Variants in NR3C2 observed in about 807,000 individuals in gnomAD.
NR3C2 encodes mineralocorticoid receptor.
NR3C2 carries 15 observed loss-of-function variants against 86.4 expected under a neutral mutation model. That is an observed-to-expected ratio of 0.17 (90% CI 0.12 to 0.27). The LOEUF (loss-of-function observed/expected upper bound fraction) is 0.27. NR3C2 is among the 10% of genes least tolerant of loss of function. The pLI is 1.00. For missense variants in NR3C2, 960 were observed against 1,195.6 expected (o/e 0.80, Z 2.91); for synonymous variants, 458 against 450.5 (o/e 1.02, Z -0.21).
intron 3 of NR3C2, among the ~76,000 whole-genome samples, chr4:148,234,779 A>G (rs536166392): frequency 6.6e-6 from 1 of 151,992 alleles, no homozygotes; most frequent in South Asian, 2.1e-4. Flanking sequence ...GGATTGCGGA[A>G]CAGAGATTAA....
At chr4:148,429,259 G>C (rs72645608) in intron 2 of NR3C2, among the ~76,000 whole-genome samples, 22 of 152,072 alleles carry the variant, frequency 1.4e-4, no homozygotes, top group African/African-American at 5.1e-4. Flanking sequence ...TTTCATATCA[G>C]AGTTTTCATA....
At chr4:148,172,460 T>C (rs992199952) in intron 4 of NR3C2, among the ~76,000 whole-genome samples, 2 of 152,256 alleles carry the variant, frequency 1.3e-5, no homozygotes, top group African/African-American at 4.8e-5. Flanking sequence ...AAGACTTACG[T>C]GTTTTTTGGA....
chr4:148,401,843 G>A (rs888027197), intron 2 of NR3C2, among the ~76,000 whole-genome samples: 2 of 152,090 alleles, frequency 1.3e-5, no homozygotes, highest in Non-Finnish European at 2.9e-5. Flanking sequence ...GGAGGATAAG[G>A]CCAAAGGGAT....
At chr4:148,099,386 G>A (rs913741657) in intron 8 of NR3C2, among the ~76,000 whole-genome samples, 1 of 152,132 alleles carries the variant, frequency 6.6e-6, no homozygotes, top group African/African-American at 2.4e-5. Flanking sequence ...GGGCTGGGCT[G>A]CCACCCACAG....
intron 2 of NR3C2, among the ~76,000 whole-genome samples, chr4:148,327,707 A>G (rs1744037611): frequency 6.6e-6 from 1 of 152,294 alleles, no homozygotes; most frequent in East Asian, 1.9e-4. Flanking sequence ...GCAAATGCAA[A>G]TTGTTGTTCT....
intron 2 of NR3C2, among the ~76,000 whole-genome samples, chr4:148,322,508 A>T (rs796504386): frequency 0.36 from 32,285 of 89,634 alleles, 8,293 homozygotes; most frequent in East Asian, 0.67. Context: ...CATCACTTTC[A>T]GGTACACCAA....
chr4:148,406,820 C>A (rs990531738), intron 2 of NR3C2, among the ~76,000 whole-genome samples: 2 of 152,164 alleles, frequency 1.3e-5, no homozygotes, highest in Non-Finnish European at 2.9e-5. Flanking sequence ...GTTTCAATTT[C>A]TTAACCATCA....
At chr4:148,207,617 C>T (rs1737070330) in intron 3 of NR3C2, among the ~76,000 whole-genome samples, 1 of 152,178 alleles carries the variant, frequency 6.6e-6, no homozygotes, top group Admixed American at 6.5e-5. Flanking sequence ...GACTGTGTCA[C>T]TTAGCAGCTA....
At chr4:148,242,060 T>A (rs1739078469) in intron 3 of NR3C2, among the ~76,000 whole-genome samples, 1 of 152,192 alleles carries the variant, frequency 6.6e-6, no homozygotes, top group African/African-American at 2.4e-5. Flanking sequence ...AATTAGGATT[T>A]AAGTGTTTAA....
At chr4:148,295,222 C>A (rs1561024558) in intron 2 of NR3C2, among the ~76,000 whole-genome samples, 1 of 151,880 alleles carries the variant, frequency 6.6e-6, no homozygotes, top group African/African-American at 2.4e-5. Context: ...ACTGTCAGAT[C>A]TTTTTTTGGA....
At chr4:148,432,222 G>A (rs1459038334) in intron 2 of NR3C2, among the ~76,000 whole-genome samples, 3 of 152,040 alleles carry the variant, frequency 2.0e-5, no homozygotes, top group South Asian at 4.1e-4. Context: ...TCATTGCTAC[G>A]TGTGGTGCTA....
intron 4 of NR3C2, among the ~76,000 whole-genome samples, chr4:148,194,453 T>A (rs1284154047): frequency 2.6e-5 from 4 of 152,346 alleles, no homozygotes; most frequent in South Asian, 2.1e-4. Flanking sequence ...TATGGGTTTA[T>A]ATAAAAGTCA....
intron 2 of NR3C2, among the ~76,000 whole-genome samples, chr4:148,272,466 G>A (rs1227926671): frequency 1.3e-5 from 2 of 152,156 alleles, no homozygotes; most frequent in African/African-American, 4.8e-5. Flanking sequence ...CCTGTGGTGT[G>A]TGTGTATAAG....
intron 3 of NR3C2, among the ~76,000 whole-genome samples, chr4:148,223,073 A>G (rs1737945523): frequency 6.6e-6 from 1 of 152,206 alleles, no homozygotes; most frequent in Non-Finnish European, 1.5e-5. Flanking sequence ...TAGAAATAAT[A>G]TTTTAAAAGC....
chr4:148,293,859 C>T (rs138997039), intron 2 of NR3C2, among the ~76,000 whole-genome samples: 2 of 152,256 alleles, frequency 1.3e-5, no homozygotes, highest in East Asian at 3.9e-4. Context: ...GATTTACCAC[C>T]CACCAGTGAC....
chr4:148,237,009 AT>A (rs1254957728), intron 3 of NR3C2, among the ~76,000 whole-genome samples: 1 of 152,190 alleles, frequency 6.6e-6, no homozygotes, highest in African/African-American at 2.4e-5. Context: ...CTCTTTTATA[AT>A]TTTGTCCCTT....
At chr4:148,293,007 G>C (rs1322369895) in intron 2 of NR3C2, among the ~76,000 whole-genome samples, 1 of 152,016 alleles carries the variant, frequency 6.6e-6, no homozygotes, top group Non-Finnish European at 1.5e-5. Flanking sequence ...AATACTTAGA[G>C]CTTTTGAAAA....
At chr4:148,201,672 G>A (rs1455128193) in intron 3 of NR3C2, among the ~76,000 whole-genome samples, 2 of 152,162 alleles carry the variant, frequency 1.3e-5, no homozygotes, top group African/African-American at 4.8e-5. Flanking sequence ...GGTCATGGGT[G>A]GTGGCAGGAC....
At chr4:148,413,411 T>C (rs954203969) in intron 2 of NR3C2, among the ~76,000 whole-genome samples, 1 of 152,066 alleles carries the variant, frequency 6.6e-6, no homozygotes, top group Non-Finnish European at 1.5e-5. Flanking sequence ...GAAAAATGCC[T>C]TCATGAACTT....
Sources: gnomAD v4.1 joint callset for allele counts (sites outside exome capture counted in the v4.1 genomes callset) on GRCh38, gnomAD v4.1.1 for gene constraint, MANE v1.5 for transcripts, NCBI Gene and HGNC (gene_info 2026-07-23, HGNC 2026-07-21) for gene names.